Variants in UBE2E3 observed in about 807,000 individuals in gnomAD.
UBE2E3 encodes ubiquitin conjugating enzyme E2 E3.
A neutral mutation model predicts 23.6 loss-of-function variants in UBE2E3; 5 were observed. The ratio of observed to expected loss-of-function variants is 0.21; its 90% CI spans 0.11 to 0.44. The LOEUF is 0.44. Ranked by LOEUF, UBE2E3 falls within the 20% of genes least tolerant of loss-of-function variation. The probability of loss-of-function intolerance (pLI) is 0.99; values close to 1 mark genes in which losing one functional copy is unlikely to be tolerated. For synonymous variants in UBE2E3, 78 were observed against 87.5 expected, an observed-to-expected ratio of 0.89 and a Z score of 0.60; for missense variants, 81 against 249.8, an observed-to-expected ratio of 0.32 and a Z score of 4.55.
chr2:181,061,554 A>C (rs1558940824), intron 5 of UBE2E3, among the ~76,000 whole-genome samples: 3 of 151,612 alleles, frequency 2.0e-5, no homozygotes, highest in Non-Finnish European at 3.0e-5. Context: ...TTCCTTTTTT[A>C]ATTAATTAGT....
chr2:181,050,495 A>G (rs1686812065), intron 3 of UBE2E3, among the ~76,000 whole-genome samples: 1 of 151,916 alleles, frequency 6.6e-6, no homozygotes, highest in Non-Finnish European at 1.5e-5. Flanking sequence ...TAATAATCCA[A>G]ATTATATGAA....
In UBE2E3 at chr2:180,980,769, A is replaced by C. The variant is rs1574148334; in HGVS notation, c.-230A>C. 2 of 143,612 alleles carry C rather than the reference A, an allele frequency of 1.4e-5. No individual in the cohort carries two copies. The highest frequency in any genetic ancestry group is 5.2e-5 in the African/African-American group (2 of 38,756). The allele number at this position is 143,612 out of a possible 1,614,324, so 8.9% of individuals were successfully genotyped here. On this transcript the variant is annotated 5_prime_UTR_variant, in exon 1 of 6. Transcript: ENST00000410062. The surrounding 1 kb of genome is among the most constrained non-coding windows in gnomAD (Gnocchi z 5.5). ...TTTTCCGAAGGCGCTGGGCGGCGCCACCCTCCGGCCGGAGCCCGGCACTGC... is the reference window on the plus strand; with the variant it reads ...TTTTCCGAAGGCGCTGGGCGGCGCCCCCCTCCGGCCGGAGCCCGGCACTGC...
In UBE2E3 at chr2:180,980,609, C is replaced by T. The variant is rs1217534837; in HGVS notation, c.-390C>T. 1 of 148,674 alleles carries T rather than the reference C, an allele frequency of 6.7e-6. No homozygotes were observed. The highest frequency in any genetic ancestry group is 1.5e-5 in the Non-Finnish European group (1 of 66,614). 9.2% of individuals were successfully genotyped at this position (148,674 alleles called of 1,614,324 possible). On this transcript the variant is annotated 5_prime_UTR_variant, in exon 1 of 6. Transcript: ENST00000410062. This position sits in a 1 kb window ranked among gnomAD's most constrained non-coding sequence, Gnocchi z 5.5. Reference sequence around the variant, plus strand: ...CCTCCCCCCCGCGCTCGCCTCGGAACTTGCTGACTGCGCGGCCGGGAGGAG... The same window carrying T: ...CCTCCCCCCCGCGCTCGCCTCGGAATTTGCTGACTGCGCGGCCGGGAGGAG...
At chr2:181,024,034 G>A (rs1032719366) in intron 3 of UBE2E3, among the ~76,000 whole-genome samples, 1 of 152,020 alleles carries the variant, frequency 6.6e-6, no homozygotes, top group Non-Finnish European at 1.5e-5. Flanking sequence ...CAGTACTCAT[G>A]TTTGTTACTA....
chr2:181,046,161 A>C (rs55980983), intron 3 of UBE2E3, among the ~76,000 whole-genome samples: 2,738 of 152,260 alleles, frequency 0.018, 67 homozygotes, highest in African/African-American at 0.062. Context: ...CATAAGTGCC[A>C]GCTATAGTAT....
chr2:181,028,800 ATCT>A (rs911710903), intron 3 of UBE2E3, among the ~76,000 whole-genome samples: 12 of 152,216 alleles, frequency 7.9e-5, no homozygotes, highest in Admixed American at 5.9e-4. Flanking sequence ...TGTTGCAAAA[ATCT>A]TCTCTCTGTT....
At chr2:181,051,208 C>T (rs1329402700) in intron 3 of UBE2E3, among the ~76,000 whole-genome samples, 2 of 151,614 alleles carry the variant, frequency 1.3e-5, no homozygotes, top group East Asian at 3.9e-4. Context: ...ATGTTTAATC[C>T]TTCAGCTTAA....
At chr2:181,048,024 A>T (rs996793806) in intron 3 of UBE2E3, among the ~76,000 whole-genome samples, 2 of 152,026 alleles carry the variant, frequency 1.3e-5, no homozygotes, top group African/African-American at 4.8e-5. Flanking sequence ...CTTGTTCCTG[A>T]TGGCCTCAGG....
At chr2:181,022,268 T>G (rs1239223923) in intron 3 of UBE2E3, among the ~76,000 whole-genome samples, 1 of 152,098 alleles carries the variant, frequency 6.6e-6, no homozygotes, top group African/African-American at 2.4e-5. Flanking sequence ...ATTAGTATTA[T>G]TGCTAGCTCT....
At chr2:180,989,861 A>G (rs887391510) in intron 3 of UBE2E3, 3 of 1,539,580 alleles carry the variant, frequency 1.9e-6, no homozygotes, top group Non-Finnish European at 2.6e-6. Context: ...GTAACAACAG[A>G]TGGATATGTT....
intron 3 of UBE2E3, among the ~76,000 whole-genome samples, chr2:181,053,289 C>G (rs1319589885): frequency 6.6e-6 from 1 of 151,718 alleles, no homozygotes; most frequent in African/African-American, 2.4e-5. Flanking sequence ...TGCAGATATA[C>G]AGTACCTTAT....
chr2:181,012,823 C>T (rs1420370565), intron 3 of UBE2E3, among the ~76,000 whole-genome samples: 4 of 152,114 alleles, frequency 2.6e-5, no homozygotes, highest in Non-Finnish European at 5.9e-5. Flanking sequence ...CATGTATAGG[C>T]ATGAATTTAG....
intron 3 of UBE2E3, among the ~76,000 whole-genome samples, chr2:181,003,253 A>T (rs909663561): frequency 1.3e-5 from 2 of 152,124 alleles, no homozygotes; most frequent in Admixed American, 1.3e-4. Flanking sequence ...TATGAGTTTA[A>T]TTTTTTTATA....
chr2:181,062,435 A>G (rs1298051769), intron 5 of UBE2E3, among the ~76,000 whole-genome samples: 2 of 151,654 alleles, frequency 1.3e-5, no homozygotes, highest in Non-Finnish European at 3.0e-5. Context: ...AAAATTAACC[A>G]TTTTTGAACT....
intron 3 of UBE2E3, among the ~76,000 whole-genome samples, chr2:181,015,462 T>C (rs1042682171): frequency 6.6e-6 from 1 of 151,930 alleles, no homozygotes; most frequent in African/African-American, 2.4e-5. Context: ...CAATAAAGAC[T>C]AACAAAAACA....
intron 3 of UBE2E3, chr2:180,990,152 A>G: frequency 1.6e-6 from 1 of 626,504 alleles, no homozygotes; most frequent in Non-Finnish European, 2.6e-6. Flanking sequence ...AACTGAGGCA[A>G]TTTTTGTCCT....
chr2:180,995,590 A>G (rs901692746), intron 3 of UBE2E3, among the ~76,000 whole-genome samples: 3 of 151,732 alleles, frequency 2.0e-5, no homozygotes, highest in Admixed American at 6.6e-5. Flanking sequence ...CATTTTTGCA[A>G]TTTATTTATT....
chr2:181,046,615 C>T (rs1018425380), intron 3 of UBE2E3, among the ~76,000 whole-genome samples: 2 of 151,952 alleles, frequency 1.3e-5, no homozygotes, highest in African/African-American at 4.8e-5. Context: ...TTGGATGAGC[C>T]CTTAAACTGT....
intron 3 of UBE2E3, among the ~76,000 whole-genome samples, chr2:181,041,781 T>G (rs1284631283): frequency 6.6e-6 from 1 of 152,168 alleles, no homozygotes; most frequent in African/African-American, 2.4e-5. Flanking sequence ...AATTATATTT[T>G]TGGCCAGTGC....
Sources: allele counts gnomAD v4.1 joint callset (sites outside exome capture counted in the v4.1 genomes callset), GRCh38; gene constraint gnomAD v4.1.1; non-coding constraint Gnocchi (gnomAD v3.1); transcripts MANE v1.5; gene names NCBI Gene and HGNC (gene_info 2026-07-23, HGNC 2026-07-21).